RABGEF1: variants seen among roughly 807,000 people sequenced by gnomAD.
The protein encoded by RABGEF1 is RAB guanine nucleotide exchange factor 1, also known as rab5 GDP/GTP exchange factor.
Under a neutral mutation model 57.3 loss-of-function variants are expected in RABGEF1, and 26 were observed. The ratio of observed to expected loss-of-function variants is 0.45; its 90% CI spans 0.33 to 0.63. The LOEUF is 0.63. Ranked by LOEUF, RABGEF1 falls within the 20% of genes least tolerant of loss-of-function variation. RABGEF1 has a pLI of 0.02. For synonymous variants in RABGEF1, 185 were observed against 210.7 expected, an observed-to-expected ratio of 0.88 and a Z score of 1.06; for missense variants, 464 against 607.6, an observed-to-expected ratio of 0.76 and a Z score of 2.48.
chr7:66,738,658 G>T (rs773162315), upstream of RABGEF1, among the ~76,000 whole-genome samples: 8 of 151,350 alleles, frequency 5.3e-5, no homozygotes, highest in African/African-American at 1.9e-4. Flanking sequence ...CTTGAGCCAG[G>T]GAGTTGGAGG....
At chr7:66,792,306 G>T (rs1277141939) in intron 4 of RABGEF1, among the ~76,000 whole-genome samples, 2 of 152,160 alleles carry the variant, frequency 1.3e-5, no homozygotes, top group African/African-American at 4.8e-5. Context: ...CAAACACTGT[G>T]AGGGGCCTGA....
intron 3 of RABGEF1, among the ~76,000 whole-genome samples, chr7:66,778,902 G>A (rs1809195874): frequency 6.6e-6 from 1 of 152,100 alleles, no homozygotes; most frequent in African/African-American, 2.4e-5. Flanking sequence ...GATCACCTAA[G>A]GTTGGGAGTT....
intron 1 of RABGEF1, among the ~76,000 whole-genome samples, chr7:66,706,489 A>T (rs577060764): frequency 6.6e-6 from 1 of 151,702 alleles, no homozygotes; most frequent in Non-Finnish European, 1.5e-5. Context: ...TGCTTACTGC[A>T]CCCTTTGCCT....
At position 66,801,583 on chromosome 7, in the gene RABGEF1, C is replaced by T. The variant is rs1787307387; in HGVS notation, c.820+2169C>T. Among the ~76,000 whole-genome samples, 4 of 152,292 alleles carry T rather than the reference C, an allele frequency of 2.6e-5. No homozygotes were observed. In the South Asian group the frequency reaches 8.3e-4, roughly 32 times the overall value. Reference sequence around the variant, plus strand: ...TCTGGTAACCATCCTTCTGGTAAAACATCCTTCAGTTTTAAGTGTTTAGCT... The same window carrying T: ...TCTGGTAACCATCCTTCTGGTAAAATATCCTTCAGTTTTAAGTGTTTAGCT... On this transcript the variant is annotated intron_variant, in intron 7 of 8. Transcript: ENST00000284957.
Position 66,743,178 on chromosome 7 carries a change from C to G in RABGEF1, c.-18+2386C>G, listed in dbSNP as rs191759384. ...CTAAAATTAGCTTGGTGTGATGGCG[C>G]CTGCCGTAATGCTAGCTACTCAGGA... On this transcript the variant is annotated intron_variant, in intron 1 of 8. Coordinates refer to ENST00000284957, the MANE Select transcript of RABGEF1 (RefSeq NM_014504.3). 4.0e-4 allele frequency among the ~76,000 whole-genome samples: 61 copies of G among 152,088 alleles called. No homozygotes were observed. In the East Asian group the frequency reaches 9.3e-3, roughly 23 times the overall value.
At position 66,706,759 on chromosome 7, in the gene RABGEF1, C is replaced by T. The variant is rs186455194; in HGVS notation, c.-872-5408C>T. ...TTACCTTATGATTTTTCTAATTTAC[C>T]TTCTTCTTTGACATACTGGTTTTTT... On this transcript the variant is annotated intron_variant and NMD_transcript_variant, in intron 1 of 9. Transcript: ENST00000607882. Among the ~76,000 whole-genome samples the T allele has an allele frequency of 2.7e-3, 398 of 148,772 alleles. 3 individuals are homozygous for T. The highest frequency in any genetic ancestry group is 9.1e-3 in the African/African-American group (368 of 40,522).
intron 5 of RABGEF1, 66 bp from the exon 6 acceptor site, chr7:66,797,308 A>C (rs1786210916): frequency 8.5e-7 from 1 of 1,171,434 alleles, no homozygotes; most frequent in African/African-American, 1.6e-5. Context: ...TTTGTTTGCA[A>C]AAAAAAAAAA....
intron 1 of RABGEF1, among the ~76,000 whole-genome samples, chr7:66,701,261 G>A (rs1037286717): frequency 2.6e-5 from 4 of 152,200 alleles, no homozygotes; most frequent in African/African-American, 4.8e-5. Flanking sequence ...CGCTTTCAGA[G>A]GCTGAGGCAA....
At chr7:66,662,215 G>A in the RABGEF1 span, among the ~76,000 whole-genome samples, 3 of 151,494 alleles carry the variant, frequency 2.0e-5, no homozygotes, top group African/African-American at 7.3e-5. Flanking sequence ...CTCCTGCCTG[G>A]GTGACAGAGC....
At chr7:66,741,964 G>A (rs1014198043) in intron 1 of RABGEF1, among the ~76,000 whole-genome samples, 14 of 149,552 alleles carry the variant, frequency 9.4e-5, no homozygotes, top group Admixed American at 1.3e-4. Flanking sequence ...GTGAAACCCC[G>A]TCTCTACTAC....
intron 4 of RABGEF1, among the ~76,000 whole-genome samples, chr7:66,792,220 A>T (rs1812870253): frequency 6.6e-6 from 1 of 152,166 alleles, no homozygotes. Context: ...TTGGAAAATT[A>T]TGACAAACCT....
intron 6 of RABGEF1, 75 bp from the exon 7 acceptor site, chr7:66,799,248 A>G (rs1387869465): frequency 3.2e-6 from 4 of 1,252,706 alleles, no homozygotes; most frequent in East Asian, 2.4e-5. Flanking sequence ...GGCTTTCCCT[A>G]AACTGAAGGA....
At chr7:66,669,185 C>T in the RABGEF1 span, 1 of 152,554 alleles carries the variant, frequency 6.6e-6, no homozygotes, top group African/African-American at 2.4e-5. Flanking sequence ...TGTCTCTGCC[C>T]TGGGTCCTGG....
intron 2 of RABGEF1, among the ~76,000 whole-genome samples, chr7:66,727,458 C>T (rs1229624853): frequency 6.6e-6 from 1 of 152,280 alleles, no homozygotes; most frequent in African/African-American, 2.4e-5. Context: ...CATGACCTTT[C>T]AGCATTCTGC....
chr7:66,705,875 AATT>A (rs1793992292), intron 1 of RABGEF1, among the ~76,000 whole-genome samples: 1 of 93,768 alleles, frequency 1.1e-5, no homozygotes, highest in Non-Finnish European at 2.0e-5. Flanking sequence ...ACACCCAGCT[AATT>A]TTTTTTTTTT....
At chr7:66,796,444 C>T (rs116906349) in intron 5 of RABGEF1, among the ~76,000 whole-genome samples, 3,807 of 152,192 alleles carry the variant, frequency 0.025, 80 homozygotes, top group Middle Eastern at 0.075. Flanking sequence ...GTTGCAAATG[C>T]CTTTGTAATG....
the RABGEF1 span, among the ~76,000 whole-genome samples, chr7:66,662,156 A>G: frequency 6.6e-6 from 1 of 151,702 alleles, no homozygotes; most frequent in Non-Finnish European, 1.5e-5. Context: ...GGAGAATGGC[A>G]TGAACCCGGG....
intron 1 of RABGEF1, among the ~76,000 whole-genome samples, chr7:66,745,501 T>TC (rs1270826120): frequency 6.6e-6 from 1 of 152,058 alleles, no homozygotes; most frequent in Non-Finnish European, 1.5e-5. Context: ...GTGCGGTGGC[T>TC]CACACCTGTA....
intron 1 of RABGEF1, among the ~76,000 whole-genome samples, chr7:66,688,592 A>G (rs752456282): frequency 6.6e-6 from 1 of 152,250 alleles, no homozygotes; most frequent in African/African-American, 2.4e-5. Flanking sequence ...GAATGAAACT[A>G]GACATCAGTA....
Sources: allele counts gnomAD v4.1 joint callset (sites outside exome capture counted in the v4.1 genomes callset), GRCh38; gene constraint gnomAD v4.1.1; transcripts MANE v1.5; gene names NCBI Gene and HGNC (gene_info 2026-07-23, HGNC 2026-07-21).